Variants in ITGA6 observed in about 807,000 individuals in gnomAD.
ITGA6 encodes the protein integrin subunit alpha 6, also known as integrin alpha-6.
Under a neutral mutation model 133.6 loss-of-function variants are expected in ITGA6, and 63 were observed. The observed-to-expected ratio is 0.47, with a 90% confidence interval of 0.38 to 0.58. The LOEUF is 0.58. ITGA6 is among the 20% of genes least tolerant of loss of function. The pLI is 0.00. For missense variants in ITGA6, 1,068 were observed against 1,309.4 expected, an observed-to-expected ratio of 0.82 and a Z score of 2.85; for synonymous variants, 434 against 482.0, an observed-to-expected ratio of 0.90 and a Z score of 1.30.
chr2:172,474,252 C>G lies in ITGA6; in HGVS notation c.973C>G (p.Leu325Val), dbSNP rs768659834. ...SFGYDVAVVD[L>V]NKDGWQDIVI... ...TGGCTATGATGTGGCGGTGGTGGAC[C>G]TCAACAAGGATGGGTGAGAAAGCCT... The change falls in exon 6 of 26, where the codon CTC (leucine) becomes GTC (valine). Residue 325 changes from leucine to valine, a missense_variant. By Grantham distance (32) the Leu-to-Val change is conservative. This residue lies in a region of ITGA6 where 317 missense variants were observed against 456.9 expected (regional missense o/e 0.69). Coordinates refer to ENST00000684293, the MANE Select transcript of ITGA6 (RefSeq NM_000210.4). 6 of 1,613,824 alleles carry G rather than the reference C, an allele frequency of 3.7e-6. No individual in the cohort carries two copies. The highest frequency in any genetic ancestry group is 5.1e-6 in the Non-Finnish European group (6 of 1,179,892).
In ITGA6 at chr2:172,501,401, C is replaced by T. The variant is rs548864745; in HGVS notation, c.3115-371C>T. Among the ~76,000 whole-genome samples the T allele has an allele frequency of 7.9e-5, 12 of 152,248 alleles. 1 individual carries two copies. In the East Asian group the frequency reaches 1.7e-3, roughly 22 times the overall value. ...TCTAACCTTTGTCTCAATAAACTGC[C>T]GAAGTCAATCTTTTGCCTCTTTTGG... On this transcript the variant is annotated intron_variant, in intron 24 of 25. Transcript: ENST00000684293.
At chr2:172,442,791 T>C (rs1328871200) in intron 1 of ITGA6, among the ~76,000 whole-genome samples, 1 of 152,146 alleles carries the variant, frequency 6.6e-6, no homozygotes, top group East Asian at 1.9e-4. Flanking sequence ...TTTGACTCTT[T>C]GCCAGCAACT....
At position 172,429,175 on chromosome 2, in the gene ITGA6, GTT is replaced by G. The variant is rs11366206; in HGVS notation, c.182+1217_182+1218del. Among the ~76,000 whole-genome samples, 9 of 147,984 alleles carry G rather than the reference GTT, an allele frequency of 6.1e-5. 1 individual carries two copies. The South Asian group carries it at 6.4e-4, about 10-fold the overall frequency. On this transcript the variant is annotated intron_variant, in intron 1 of 25. Transcript: ENST00000684293. Reference sequence around the variant, plus strand: ...TGTTGCAGCCCCTGAATTTTAGTCAGTTTTTTTTTTTTTCTGATAACACCTGC... The same window carrying G: ...TGTTGCAGCCCCTGAATTTTAGTCAGTTTTTTTTTTTCTGATAACACCTGC...
intron 1 of ITGA6, among the ~76,000 whole-genome samples, chr2:172,434,735 G>A (rs762202225): frequency 1.8e-4 from 28 of 151,978 alleles, no homozygotes; most frequent in Non-Finnish European, 3.4e-4. Context: ...TTTGCCAAGC[G>A]GCTAGTATAT....
rs1686063593 is a variant in ITGA6, at chr2:172,474,193, A to G, written c.914A>G (p.His305Arg). The stretch of plus-strand genomic sequence containing the variant: ...AAGTCTGCACATCTCCTCCCTGAGC[A>G]CATATTCGATGGAGAAGGTCTGGCC... ...DMKSAHLLPE[H>R]IFDGEGLASS... The change falls in exon 6 of 26, where the codon CAC becomes CGC. Residue 305 changes from histidine to arginine, a missense_variant. By Grantham distance (29) the His-to-Arg change is conservative. This residue lies in a region of ITGA6 where 317 missense variants were observed against 456.9 expected (regional missense o/e 0.69). Coordinates refer to ENST00000684293, the MANE Select transcript of ITGA6 (RefSeq NM_000210.4). The G allele has an allele frequency of 1.2e-6, 2 of 1,614,112 alleles. No homozygotes were observed. Among genetic ancestry groups the G allele is most frequent in the Non-Finnish European group, 1.7e-6 (2 of 1,180,024 alleles).
intron 11 of ITGA6, among the ~76,000 whole-genome samples, chr2:172,482,266 A>G (rs2149061839): frequency 6.6e-6 from 1 of 152,320 alleles, no homozygotes; most frequent in Admixed American, 6.5e-5. Flanking sequence ...TTCAAAGAAC[A>G]TTTGCTTTCA....
intron 1 of ITGA6, among the ~76,000 whole-genome samples, chr2:172,447,419 G>A (rs2149011120): frequency 1.3e-5 from 2 of 152,106 alleles, no homozygotes; most frequent in African/African-American, 4.8e-5. Flanking sequence ...TGACTAGGCT[G>A]GCCTCGAACT....
chr2:172,473,538 T>C (rs1273209332), intron 5 of ITGA6, among the ~76,000 whole-genome samples: 1 of 152,180 alleles, frequency 6.6e-6, no homozygotes, highest in Non-Finnish European at 1.5e-5. Context: ...TACCAAAGAG[T>C]TGATGCCTCT....
At chr2:172,439,288 T>C (rs945741508) in intron 1 of ITGA6, among the ~76,000 whole-genome samples, 2 of 151,860 alleles carry the variant, frequency 1.3e-5, no homozygotes, top group African/African-American at 2.4e-5. Context: ...ATATATTGAA[T>C]AAAAAATGAC....
intron 25 of ITGA6, among the ~76,000 whole-genome samples, chr2:172,502,466 G>C (rs562684731): frequency 6.6e-6 from 1 of 152,140 alleles, no homozygotes; most frequent in East Asian, 1.9e-4. Context: ...CTCAGGAATC[G>C]TTTTATGCTA....
intron 6 of ITGA6, 34 bp from the exon 7 acceptor site, chr2:172,474,894 TG>T (rs772715318): frequency 5.8e-6 from 6 of 1,039,490 alleles, no homozygotes; most frequent in Admixed American, 3.4e-5. Flanking sequence ...TGTTAGCTGT[TG>T]GTTCACGGCT....
chr2:172,437,173 G>A (rs770455341), intron 1 of ITGA6, among the ~76,000 whole-genome samples: 2 of 152,230 alleles, frequency 1.3e-5, no homozygotes, highest in Non-Finnish European at 2.9e-5. Flanking sequence ...TGAATGAGAT[G>A]GGGAGCATTT....
intron 1 of ITGA6, among the ~76,000 whole-genome samples, chr2:172,453,479 G>A (rs977058483): frequency 2.0e-5 from 3 of 152,132 alleles, no homozygotes; most frequent in African/African-American, 7.2e-5. Flanking sequence ...CCATGATTAC[G>A]CACTGCCCTC....
In ITGA6 at chr2:172,504,150, G is replaced by C. The variant is rs769167035; in HGVS notation, c.*82G>C. The C allele has an allele frequency of 1.3e-6, 2 of 1,597,614 alleles. No homozygotes were observed. The highest frequency in any genetic ancestry group is 1.7e-6 in the Non-Finnish European group (2 of 1,171,150). On this transcript the variant is annotated 3_prime_UTR_variant, in exon 26 of 26. Transcript: ENST00000684293. ...GTGTTCCCCGATACCATGCTGTAAGGATCCGGAAAGAAGAGCGAGAGATCA... is the reference window on the plus strand; with the variant it reads ...GTGTTCCCCGATACCATGCTGTAAGCATCCGGAAAGAAGAGCGAGAGATCA...
intron 1 of ITGA6, among the ~76,000 whole-genome samples, chr2:172,459,710 G>A (rs997324564): frequency 2.0e-5 from 3 of 152,214 alleles, no homozygotes; most frequent in Non-Finnish European, 2.9e-5. Context: ...CCTGTCATAT[G>A]CTATTAGGAC....
intron 1 of ITGA6, among the ~76,000 whole-genome samples, chr2:172,428,990 C>T (rs1014641203): frequency 6.6e-6 from 1 of 152,226 alleles, no homozygotes; most frequent in Non-Finnish European, 1.5e-5. Context: ...CCTCCCCACC[C>T]AGGCCTTGAG....
At chr2:172,472,094 G>T (rs1685966977) in intron 5 of ITGA6, among the ~76,000 whole-genome samples, 1 of 152,238 alleles carries the variant, frequency 6.6e-6, no homozygotes, top group South Asian at 2.1e-4. Context: ...GGCTGAGGCA[G>T]GCGGATTACT....
At chr2:172,452,812 C>G (rs775648933) in intron 1 of ITGA6, among the ~76,000 whole-genome samples, 1 of 152,140 alleles carries the variant, frequency 6.6e-6, no homozygotes, top group Non-Finnish European at 1.5e-5. Flanking sequence ...CTGGAGTTGC[C>G]TTTTGAAACT....
At chr2:172,490,075 C>T in intron 20 of ITGA6, 1 of 191,410 alleles carries the variant, frequency 5.2e-6, no homozygotes, top group Non-Finnish European at 1.1e-5. Context: ...GCTTTTTATG[C>T]TTATTTTTAA....
Sources: allele counts gnomAD v4.1 joint callset (sites outside exome capture counted in the v4.1 genomes callset), GRCh38; gene constraint gnomAD v4.1.1; regional missense constraint gnomAD v4.1.1; transcripts MANE v1.5; gene names NCBI Gene and HGNC (gene_info 2026-07-23, HGNC 2026-07-21).